Variants in FLII observed in about 807,000 individuals in gnomAD.
FLII encodes protein flightless-1 homolog.
FLII carries 101 observed loss-of-function variants against 156.2 expected under a neutral mutation model. The ratio of observed to expected loss-of-function variants is 0.65; its 90% confidence interval spans 0.55 to 0.76. The LOEUF (loss-of-function observed/expected upper bound fraction) is 0.76. Ranked by LOEUF, FLII falls within the 30% of genes least tolerant of loss-of-function variation. FLII has a pLI of 0.00. For missense variants in FLII, 1,675 were observed against 1,682.8 expected (o/e 1.00, Z 0.08); for synonymous variants, 767 against 685.8 (o/e 1.12, Z -1.85).
At position 18,253,296 on chromosome 17, in the gene FLII, A is replaced by G. The variant is rs1246231340; in HGVS notation, c.1013+5T>C. The G allele has an allele frequency of 6.2e-7, 1 of 1,613,646 alleles. No individual in the cohort carries two copies. The highest frequency in any genetic ancestry group is 8.5e-7 in the Non-Finnish European group (1 of 1,180,016). ...GCCTCTGCTAGCCCCAGCCCTGCCC[A>G]GCACCTGCAGAGACTTTCAGGGACC... On this transcript the variant is annotated splice_donor_5th_base_variant and intron_variant, in intron 9 of 29. Transcript: ENST00000327031.
At position 18,246,201 on chromosome 17, in the gene FLII, G is replaced by A. The variant is rs536232194; in HGVS notation, c.3228C>T (p.Asp1076=). ...LCTRCIQINT[D]SSLLNSEFCF... is the part of the protein sequence containing the mutation. ...AGAACTCGGAGTTGAGGAGGCTGGAGTCGGTGTTGATCTGGATGCACCTGT... is the reference window on the plus strand; with the variant it reads ...AGAACTCGGAGTTGAGGAGGCTGGAATCGGTGTTGATCTGGATGCACCTGT... The change falls in exon 25 of 30, where the codon GAC becomes GAT. Residue 1076 remains aspartate, a synonymous_variant. Transcript: ENST00000327031. The A allele has an allele frequency of 1.2e-6, 2 of 1,614,202 alleles. No individual in the cohort carries two copies. Among genetic ancestry groups the A allele is most frequent in the Non-Finnish European group, 1.7e-6 (2 of 1,180,040 alleles).
In FLII at chr17:18,248,450, C is replaced by T. The variant is rs539682687; in HGVS notation, c.2190+100G>A. 3.1e-4 allele frequency: 360 copies of T among 1,159,514 alleles called. 6 individuals are homozygous for T. In the South Asian group the frequency reaches 5.0e-3, roughly 16 times the overall value. The allele number at this position is 1,159,514 out of a possible 1,614,324, so 71.8% of individuals were successfully genotyped here. ...GGTGGCACCCTCTCCCCACCAAAGTCGAGATGGAGCCCAAAGCCAACTACA... is the reference window on the plus strand; with the variant it reads ...GGTGGCACCCTCTCCCCACCAAAGTTGAGATGGAGCCCAAAGCCAACTACA... On this transcript the variant is annotated intron_variant, in intron 18 of 29. Transcript: ENST00000327031.
In FLII at chr17:18,251,731, C is replaced by G. The variant is rs1253549368; in HGVS notation, c.1332G>C (p.Gln444His). 6.2e-7 allele frequency: 1 copy of G among 1,614,066 alleles called. No individual in the cohort carries two copies. The highest frequency in any genetic ancestry group is 2.2e-5 in the East Asian group (1 of 44,880). The change falls in exon 12 of 30, where the codon CAG becomes CAC. Residue 444 changes from glutamine to histidine, a missense_variant. Physicochemically the swap from Gln to His is conservative, Grantham distance 24 (BLOSUM62 0). Transcript: ENST00000327031. The stretch of plus-strand genomic sequence containing the variant: ...CAACATCTGACATGCCCTTCAGCAC[C>G]TGCTTGGCCTGGTCATCCTGGGCTG... ...KDSAQDDQAK[Q>H]VLKGMSDVAQ...
At position 18,248,053 on chromosome 17, in the gene FLII, T is replaced by C. The variant is rs777544364; in HGVS notation, c.2191-20A>G. On this transcript the variant is annotated intron_variant, in intron 18 of 29. Coordinates refer to ENST00000327031, the MANE Select transcript of FLII (RefSeq NM_002018.4). ...GCCCACCTGGCAGGAAGGATGAGCA[T>C]GGCAGGGAAGGGATCTGGAGACAGG... The C allele has an allele frequency of 5.1e-6, 8 of 1,572,336 alleles. No homozygotes were observed. The East Asian group carries it at 1.1e-4, about 22-fold the overall frequency.
intron 14 of FLII, among the ~76,000 whole-genome samples, chr17:18,249,945 C>A (rs1025886555): frequency 6.6e-6 from 1 of 151,260 alleles, no homozygotes; most frequent in East Asian, 1.9e-4. Context: ...ATGGCAAAAC[C>A]CCATCACTAC....
At chr17:18,252,403 GT>G (rs1426299733) in intron 10 of FLII, 68 bp downstream of exon 10, 1 of 1,476,086 alleles carries the variant, frequency 6.8e-7, no homozygotes. Context: ...CCTCTGCTGG[GT>G]CCCCCTTGCT....
Position 18,244,971 on chromosome 17 carries a change from G to C in FLII, c.*167C>G, listed in dbSNP as rs565835176. On this transcript the variant is annotated 3_prime_UTR_variant, in exon 30 of 30. Transcript: ENST00000327031. ...AGAGTTGGATTTCCCAGACCCCTGA[G>C]GGCACCTGTCAGGGTCATCCCCATT... 6 of 732,008 alleles carry C rather than the reference G, an allele frequency of 8.2e-6. No individual in the cohort carries two copies. The African/African-American group carries it at 1.0e-4, about 13-fold the overall frequency. 45.3% of individuals were successfully genotyped at this position (732,008 alleles called of 1,614,324 possible).
chr17:18,248,502 G>A (rs376224406), intron 18 of FLII, 48 bp downstream of exon 18: 11 of 1,539,522 alleles, frequency 7.1e-6, no homozygotes, highest in African/African-American at 4.1e-5. Context: ...TCCCCCAGTC[G>A]GTGGGTGAAC....
Position 18,247,812 on chromosome 17 carries a change from G to A in FLII, c.2332C>T (p.Leu778=). ...SLLDTRCVYI[L]DCWSDVFIWL... ...ATGAACACGTCGGACCAACAGTCCA[G>A]AATGTACACGCAGCGCGTGTCCAGC... Residue 778 remains leucine (L), a synonymous_variant, in exon 20 of 30, where the codon CTG becomes TTG. Coordinates refer to ENST00000327031, the MANE Select transcript of FLII (RefSeq NM_002018.4). 1 of 1,613,260 alleles carries A rather than the reference G, an allele frequency of 6.2e-7. No individual in the cohort carries two copies. Among genetic ancestry groups the A allele is most frequent in the East Asian group, 2.2e-5 (1 of 44,888 alleles).
Position 18,248,630 on chromosome 17 carries a change from C to T in FLII, c.2110G>A (p.Glu704Lys). The T allele has an allele frequency of 6.2e-7, 1 of 1,613,976 alleles. No homozygotes were observed. Among genetic ancestry groups the T allele is most frequent in the Non-Finnish European group, 8.5e-7 (1 of 1,179,976 alleles). ...TCAGAGGGCTCCCCACCCAGTGCCTCCCAGAACTCTGGGAGCTCCTGGCCC... is the reference window on the plus strand; with the variant it reads ...TCAGAGGGCTCCCCACCCAGTGCCTTCCAGAACTCTGGGAGCTCCTGGCCC... ...VQGQELPEFW[E>K]ALGGEPSEIK... The change falls in exon 18 of 30, where the codon GAG becomes AAG. Residue 704 changes from glutamate to lysine, a missense_variant. This residue lies in a region of FLII where 1,332 missense variants were observed against 1,269.3 expected (regional missense o/e 1.05). Coordinates refer to ENST00000327031, the MANE Select transcript of FLII (RefSeq NM_002018.4).
chr17:18,256,688 G>T, intron 2 of FLII, 91 bp from the exon 3 acceptor site: 5 of 1,208,996 alleles, frequency 4.1e-6, no homozygotes, highest in Middle Eastern at 1.9e-4. Flanking sequence ...ATCCAGGAAG[G>T]CCTCAGCCAC....
rs1191271931 is a variant in FLII at position 18,247,790 on chromosome 17, A to C, written c.2354T>G (p.Phe785Cys). The change falls in exon 20 of 30, where the codon TTC becomes TGC. Residue 785 changes from phenylalanine to cysteine, a missense_variant. Physicochemically the swap from Phe to Cys is radical, Grantham distance 205. Transcript: ENST00000327031. The stretch of plus-strand genomic sequence containing the variant: ...CGGGGACTTGCGGCCGAGCCAGATG[A>C]ACACGTCGGACCAACAGTCCAGAAT... ...VYILDCWSDV[F>C]IWLGRKSPRL... 6 of 1,612,048 alleles carry C rather than the reference A, an allele frequency of 3.7e-6. No individual in the cohort carries two copies. The highest frequency in any genetic ancestry group is 5.1e-6 in the Non-Finnish European group (6 of 1,180,016).
chr17:18,256,912 C>T lies in FLII; in HGVS notation c.171G>A (p.Lys57=), dbSNP rs544144418. The T allele has an allele frequency of 6.2e-7, 1 of 1,604,454 alleles. No homozygotes were observed. The highest frequency in any genetic ancestry group is 8.5e-7 in the Non-Finnish European group (1 of 1,175,022). Residue 57 remains lysine, a synonymous_variant, in exon 2 of 30, where the codon AAG becomes AAA. Transcript: ENST00000327031. The part of the protein sequence containing the change: ...YLPEELAALQ[K]LEHLSVSHNN... Reference sequence around the variant, plus strand: ...CTGCCCGCCCAAACCCCCTTACCAGCTTCTGCAGGGCGGCCAGCTCCTCGG... The same window carrying T: ...CTGCCCGCCCAAACCCCCTTACCAGTTTCTGCAGGGCGGCCAGCTCCTCGG...
rs376115118 is a variant in FLII at position 18,251,824 on chromosome 17, G to T, written c.1247-8C>A. 8 of 1,613,348 alleles carry T rather than the reference G, an allele frequency of 5.0e-6. No homozygotes were observed. In the Admixed American group the frequency reaches 6.7e-5, roughly 13 times the overall value. Reference sequence around the variant, plus strand: ...CCTTGGGCCCACTCCCTGCTTAGGGGAGGGGCAAACAGCTGAGCCCTCACT... The same window carrying T: ...CCTTGGGCCCACTCCCTGCTTAGGGTAGGGGCAAACAGCTGAGCCCTCACT... On this transcript the variant is annotated splice_region_variant and splice_polypyrimidine_tract_variant and intron_variant, in intron 11 of 29. Coordinates refer to ENST00000327031, the MANE Select transcript of FLII (RefSeq NM_002018.4).
chr17:18,247,548 G>A (rs2048119243), intron 20 of FLII, 109 bp downstream of exon 20: 1 of 1,133,632 alleles, frequency 8.8e-7, no homozygotes, highest in African/African-American at 1.6e-5. Context: ...TCAGCAAAGA[G>A]GAGGTGGGTT....
Position 18,245,242 on chromosome 17 carries a change from G to C in FLII, c.3706C>G (p.His1236Asp). 1 of 1,613,834 alleles carries C rather than the reference G, an allele frequency of 6.2e-7. No individual in the cohort carries two copies. Among genetic ancestry groups the C allele is most frequent in the South Asian group, 1.1e-5 (1 of 91,068 alleles). The change falls in exon 30 of 30, where the codon CAT (histidine) becomes GAT (aspartate). Residue 1236 changes from histidine to aspartate, a missense_variant. Coordinates refer to ENST00000327031, the MANE Select transcript of FLII (RefSeq NM_002018.4). ...VYIQHMRSKE[H>D]ERPRRLRLVR... ...AGGCGCAGCCGGCGCGGCCGCTCAT[G>C]TTCCTTGGACCGCATGTGCTGGATA... is the stretch of plus-strand genomic sequence containing the variant.
intron 18 of FLII, 25 bp from the exon 19 acceptor site, chr17:18,248,058 G>A: frequency 6.4e-7 from 1 of 1,550,980 alleles, no homozygotes; most frequent in South Asian, 1.1e-5. Flanking sequence ...GAGCATGGCA[G>A]GGAAGGGATC....
chr17:18,249,040 T>C (rs1052238177), intron 16 of FLII, 87 bp downstream of exon 16: 17 of 1,403,104 alleles, frequency 1.2e-5, no homozygotes, highest in Admixed American at 1.7e-5. Flanking sequence ...CTAGAGGGCC[T>C]CCTCTTCTAA....
chr17:18,246,127 G>A, intron 25 of FLII, 35 bp downstream of exon 25: 1 of 1,614,144 alleles, frequency 6.2e-7, no homozygotes, highest in Non-Finnish European at 8.5e-7. Flanking sequence ...CCACCCCTTG[G>A]TCCACGGAGT....
Sources: gnomAD v4.1 joint callset for allele counts (sites outside exome capture counted in the v4.1 genomes callset) on GRCh38, gnomAD v4.1.1 for gene constraint, gnomAD v4.1.1 regional missense constraint, MANE v1.5 for transcripts, NCBI Gene and HGNC (gene_info 2026-07-23, HGNC 2026-07-21) for gene names.